Variants in CAMTA1 observed in about 807,000 individuals in gnomAD.
The protein encoded by CAMTA1 is calmodulin binding transcription activator 1.
In CAMTA1, 27 loss-of-function variants were observed where a neutral mutation model predicts 170.9. The ratio of observed to expected loss-of-function variants is 0.16; its 90% CI spans 0.12 to 0.22. CAMTA1 has a LOEUF of 0.22. Among genes scored for constraint, CAMTA1 ranks in the 10% least tolerant of loss-of-function variants. The pLI, the probability that CAMTA1 is intolerant of heterozygous loss-of-function variation, is 1.00. For missense variants in CAMTA1, 1,619 were observed against 2,217.2 expected, an observed-to-expected ratio of 0.73 and a Z score of 5.42; for synonymous variants, 833 against 891.5, an observed-to-expected ratio of 0.93 and a Z score of 1.17.
chr1:7,330,202 C>G (rs72863573), intron 5 of CAMTA1, among the ~76,000 whole-genome samples: 3,006 of 152,254 alleles, frequency 0.02, 73 homozygotes, highest in African/African-American at 0.058. Flanking sequence ...CACGTGAGAT[C>G]TCTACTCCAC....
chr1:7,399,012 T>C (rs2089673793), intron 5 of CAMTA1, among the ~76,000 whole-genome samples: 1 of 152,228 alleles, frequency 6.6e-6, no homozygotes, highest in African/African-American at 2.4e-5. Flanking sequence ...TTTAGCATAG[T>C]TATTGTTGAT....
At chr1:7,403,673 G>A (rs1387091762) in intron 5 of CAMTA1, among the ~76,000 whole-genome samples, 2 of 152,174 alleles carry the variant, frequency 1.3e-5, no homozygotes, top group African/African-American at 2.4e-5. Context: ...TCCCTCTGAA[G>A]CCGAGGACCA....
At chr1:7,262,570 A>G (rs1222442847) in intron 5 of CAMTA1, among the ~76,000 whole-genome samples, 1 of 152,184 alleles carries the variant, frequency 6.6e-6, no homozygotes, top group Non-Finnish European at 1.5e-5. Context: ...CTCAAAAAAA[A>G]GTCTTAAATT....
At chr1:6,899,554 G>GCGCGCACACACACACACA (rs1306510241) in intron 3 of CAMTA1, among the ~76,000 whole-genome samples, 1 of 141,086 alleles carries the variant, frequency 7.1e-6, no homozygotes, top group Non-Finnish European at 1.6e-5. Context: ...ACGCGCGCGC[G>GCGCGCACACACACACACA]CACACACACA....
At chr1:6,865,893 T>C (rs1301801639) in intron 3 of CAMTA1, among the ~76,000 whole-genome samples, 1 of 152,378 alleles carries the variant, frequency 6.6e-6, no homozygotes, top group South Asian at 2.1e-4. Context: ...CCTTACATTC[T>C]GTGTAGCTAC....
At position 7,659,666 on chromosome 1, in the gene CAMTA1, T is replaced by C. The variant is rs1576661297; in HGVS notation, c.665-2060T>C. ...CAGTGTTCCGGGGCTGAGCCATCTG[T>C]GGATTTCACAGCAAGAAGCTTCCTG... On this transcript the variant is annotated intron_variant, in intron 7 of 22. Coordinates refer to ENST00000303635, the MANE Select transcript of CAMTA1 (RefSeq NM_015215.4). Among the ~76,000 whole-genome samples, 4 of 151,974 alleles carry C rather than the reference T, an allele frequency of 2.6e-5. 1 individual carries two copies. Among genetic ancestry groups the C allele is most frequent in the Admixed American group, 2.6e-4 (4 of 15,268 alleles).
chr1:7,346,319 G>T (rs953606791), intron 5 of CAMTA1, among the ~76,000 whole-genome samples: 3 of 152,186 alleles, frequency 2.0e-5, no homozygotes, highest in Admixed American at 6.5e-5. Context: ...AATGGAAGGG[G>T]TAATCAGTGC....
At chr1:7,202,197 C>A (rs1257012498) in intron 4 of CAMTA1, among the ~76,000 whole-genome samples, 1 of 152,140 alleles carries the variant, frequency 6.6e-6, no homozygotes, top group Non-Finnish European at 1.5e-5. Context: ...CAATTGATGA[C>A]AGCTGTATGG....
chr1:7,481,754 T>C (rs1395550425), intron 6 of CAMTA1, among the ~76,000 whole-genome samples: 1 of 152,056 alleles, frequency 6.6e-6, no homozygotes, highest in East Asian at 1.9e-4. Context: ...CCCCCAAGTC[T>C]TTCAAGGTGC....
chr1:7,059,960 G>A (rs922534014), intron 3 of CAMTA1, among the ~76,000 whole-genome samples: 3 of 152,122 alleles, frequency 2.0e-5, no homozygotes, highest in Middle Eastern at 3.4e-3. Flanking sequence ...AGGAACCCAG[G>A]TTTCAGCCCA....
chr1:7,095,887 C>T (rs1642020806), intron 4 of CAMTA1, among the ~76,000 whole-genome samples: 1 of 152,228 alleles, frequency 6.6e-6, no homozygotes, highest in South Asian at 2.1e-4. Flanking sequence ...TGAGCAATCC[C>T]AATCATTTAT....
At position 6,880,383 on chromosome 1, in the gene CAMTA1, GTTTTTTTT is replaced by G. The variant is rs34745856; in HGVS notation, c.234+55190_234+55197del. Among the ~76,000 whole-genome samples the G allele has an allele frequency of 8.6e-3, 579 of 67,238 alleles. 7 individuals carry two copies. Among genetic ancestry groups the G allele is most frequent in the African/African-American group, 0.032 (532 of 16,378 alleles). The allele number at this position is 67,238 out of a possible 152,430, so 44.1% of individuals were successfully genotyped here. A position where few individuals can be genotyped will look rare whatever the true frequency, so the allele number is the denominator to read the frequency against. Reference sequence around the variant, plus strand: ...GCCACCAGGCCCAGCCTCTAAAAGTGTTTTTTTTTTTTTTTTTTTTTTTTGAGACAGGG... The same window carrying G: ...GCCACCAGGCCCAGCCTCTAAAAGTGTTTTTTTTTTTTTTTTGAGACAGGG... On this transcript the variant is annotated intron_variant, in intron 3 of 22. Transcript: ENST00000303635.
chr1:7,089,573 C>A (rs1641211913), intron 3 of CAMTA1, among the ~76,000 whole-genome samples: 1 of 140,012 alleles, frequency 7.1e-6, no homozygotes, highest in African/African-American at 2.6e-5. Flanking sequence ...CCCATCCCAT[C>A]CCATCCCATC....
intron 3 of CAMTA1, among the ~76,000 whole-genome samples, chr1:6,989,050 A>G (rs975285316): frequency 1.3e-5 from 2 of 152,174 alleles, no homozygotes; most frequent in African/African-American, 4.8e-5. Flanking sequence ...TTGATAAGGC[A>G]GGAGGGGCAG....
intron 3 of CAMTA1, among the ~76,000 whole-genome samples, chr1:6,939,398 C>T (rs990255291): frequency 8.5e-5 from 13 of 152,264 alleles, no homozygotes; most frequent in Admixed American, 6.5e-4. Context: ...GGCCTCAGTC[C>T]AGAATGTAGA....
Position 7,588,178 on chromosome 1 carries a change from G to A in CAMTA1, c.511-52222G>A, listed in dbSNP as rs2095326721. The stretch of plus-strand genomic sequence containing the variant: ...GTCACAGGCCCTGCCCATTGGCAAG[G>A]TCTCTCTCTGCCTCTCAGCCAGGAA... On this transcript the variant is annotated intron_variant, in intron 6 of 22. Transcript: ENST00000303635. This position sits in a 1 kb window ranked among gnomAD's most constrained non-coding sequence, Gnocchi z 5.8. Among the ~76,000 whole-genome samples, 1 of 152,062 alleles carries A rather than the reference G, an allele frequency of 6.6e-6. No individual in the cohort carries two copies. The highest frequency in any genetic ancestry group is 2.4e-5 in the African/African-American group (1 of 41,340).
rs1421062669 is a variant in CAMTA1 at position 7,497,057 on chromosome 1, C to T, written c.510+29156C>T. Among the ~76,000 whole-genome samples, 7 of 152,288 alleles carry T rather than the reference C, an allele frequency of 4.6e-5. No homozygotes were observed. In the South Asian group the frequency reaches 1.0e-3, roughly 23 times the overall value. On this transcript the variant is annotated intron_variant, in intron 6 of 22. Coordinates refer to ENST00000303635, the MANE Select transcript of CAMTA1 (RefSeq NM_015215.4). ...AAAATAGCTGAGGCCACCAAGGCCA[C>T]GGTCTTTTCAGTTTCACTGAACATT...
At chr1:7,600,618 A>T (rs1192988861) in intron 6 of CAMTA1, among the ~76,000 whole-genome samples, 1 of 151,868 alleles carries the variant, frequency 6.6e-6, no homozygotes, top group Admixed American at 6.6e-5. Flanking sequence ...TCCTAGGCAG[A>T]GGACCCTGCG....
intron 6 of CAMTA1, among the ~76,000 whole-genome samples, chr1:7,505,334 C>T (rs745769412): frequency 1.3e-5 from 2 of 152,174 alleles, no homozygotes; most frequent in South Asian, 2.1e-4. Context: ...GCAAGCACTG[C>T]GGTCACTGAG....
Sources: gnomAD v4.1 joint callset for allele counts (sites outside exome capture counted in the v4.1 genomes callset) on GRCh38, gnomAD v4.1.1 for gene constraint, Gnocchi (gnomAD v3.1) non-coding constraint, MANE v1.5 for transcripts, NCBI Gene and HGNC (gene_info 2026-07-23, HGNC 2026-07-21) for gene names.